The following CEP170 variants were observed in gnomAD, a reference collection of about 807,000 sequenced individuals.
The protein encoded by CEP170 is centrosomal protein 170, also known as centrosomal protein of 170 kDa.
A neutral mutation model predicts 151.9 loss-of-function variants in CEP170; 21 were observed. That is an observed-to-expected ratio of 0.14 (90% CI 0.10 to 0.20). The LOEUF is 0.20. Among genes scored for constraint, CEP170 ranks in the 10% least tolerant of loss-of-function variants. The pLI is 1.00. For missense variants in CEP170, 964 were observed against 1,892.9 expected (o/e 0.51, Z 9.11); for synonymous variants, 356 against 648.8 (o/e 0.55, Z 6.86).
At chr1:243,192,391 T>C (rs1367428424) in intron 7 of CEP170, among the ~76,000 whole-genome samples, 1 of 152,094 alleles carries the variant, frequency 6.6e-6, no homozygotes, top group Non-Finnish European at 1.5e-5. Flanking sequence ...GATGCATTTA[T>C]GAATAAAATA....
At position 243,156,301 on chromosome 1, in the gene CEP170, A is replaced by G. The variant is rs772764263; in HGVS notation, c.3831T>C (p.Thr1277=). Residue 1277 remains threonine, a synonymous_variant, in exon 14 of 20, where the codon ACT becomes ACC. Transcript: ENST00000366542. ...RLQSAGSAMP[T]SSSFKHRIKE... is the part of the protein sequence containing the mutation. The stretch of plus-strand genomic sequence containing the variant: ...TAATCCGGTGTTTGAATGAAGAACT[A>G]GTAGGCATTGCTGATCCAGCGCTCT... 2 of 1,592,738 alleles carry G rather than the reference A, an allele frequency of 1.3e-6. No homozygotes were observed. Among genetic ancestry groups the G allele is most frequent in the Non-Finnish European group, 1.7e-6 (2 of 1,169,790 alleles).
At chr1:243,134,541 A>G (rs925983981) in intron 17 of CEP170, among the ~76,000 whole-genome samples, 1 of 152,172 alleles carries the variant, frequency 6.6e-6, no homozygotes, top group African/African-American at 2.4e-5. Flanking sequence ...TCTGTTGCCC[A>G]GGCTGTGGTG....
chr1:243,151,586 G>A (rs1459594809), intron 14 of CEP170, among the ~76,000 whole-genome samples: 1 of 152,268 alleles, frequency 6.6e-6, no homozygotes, highest in African/African-American at 2.4e-5. Flanking sequence ...CAGAGGTGAG[G>A]AAACTGCAGA....
At chr1:243,153,238 A>C (rs559827230) in intron 14 of CEP170, among the ~76,000 whole-genome samples, 7 of 152,358 alleles carry the variant, frequency 4.6e-5, no homozygotes, top group African/African-American at 1.7e-4. Context: ...GGGAAAAGAA[A>C]GTGGTATCTT....
At chr1:243,150,158 C>A (rs183952683) in intron 14 of CEP170, among the ~76,000 whole-genome samples, 248 of 152,094 alleles carry the variant, frequency 1.6e-3, no homozygotes, top group Non-Finnish European at 2.1e-3. Flanking sequence ...TTCCGTGATA[C>A]ATCTATTTTT....
chr1:243,184,403 C>A (rs1232813599), intron 10 of CEP170, among the ~76,000 whole-genome samples: 1 of 151,712 alleles, frequency 6.6e-6, no homozygotes, highest in Non-Finnish European at 1.5e-5. Context: ...GCAAAATAAT[C>A]TTTTAATGGG....
At chr1:243,205,376 T>C (rs1027860861) in intron 4 of CEP170, among the ~76,000 whole-genome samples, 25 of 152,208 alleles carry the variant, frequency 1.6e-4, no homozygotes, top group South Asian at 4.1e-4. Context: ...AAGGGCCAGA[T>C]AGTAAATCTT....
chr1:243,128,199 A>G (rs750379568), intron 19 of CEP170, 50 bp downstream of exon 19: 1 of 1,469,934 alleles, frequency 6.8e-7, no homozygotes, highest in African/African-American at 1.5e-5. Flanking sequence ...CTCAGAAGGC[A>G]CTTATTCTAA....
chr1:243,222,510 A>C (rs2062906593), intron 2 of CEP170, among the ~76,000 whole-genome samples: 1 of 152,232 alleles, frequency 6.6e-6, no homozygotes, highest in African/African-American at 2.4e-5. Flanking sequence ...AAGCCTGTGG[A>C]AATTGGTATT....
intron 1 of CEP170, among the ~76,000 whole-genome samples, chr1:243,227,288 T>C (rs1349132917): frequency 6.6e-6 from 1 of 152,144 alleles, no homozygotes; most frequent in Non-Finnish European, 1.5e-5. Context: ...ATCCTGTCAC[T>C]TAAATTCCTT....
chr1:243,224,425 A>G (rs2063065332), intron 2 of CEP170, among the ~76,000 whole-genome samples: 2 of 152,154 alleles, frequency 1.3e-5, no homozygotes, highest in East Asian at 3.8e-4. Context: ...GTCACACATA[A>G]AATACACTAA....
At chr1:243,167,985 G>A (rs2058561323) in intron 12 of CEP170, among the ~76,000 whole-genome samples, 1 of 151,962 alleles carries the variant, frequency 6.6e-6, no homozygotes, top group Non-Finnish European at 1.5e-5. Context: ...ACATAGAAAT[G>A]AGATCATGAA....
intron 1 of CEP170, among the ~76,000 whole-genome samples, chr1:243,254,781 A>G (rs1165215912): frequency 1.9e-5 from 2 of 106,526 alleles, no homozygotes; most frequent in Non-Finnish European, 3.6e-5. Flanking sequence ...GCAGGACTGG[A>G]GCTCCGGGGG....
rs577243822 is a variant in CEP170 at position 243,226,150 on chromosome 1, CAT to C, written c.-41-831_-41-830del. 2.3e-4 allele frequency among the ~76,000 whole-genome samples: 27 copies of C among 114,904 alleles called. No homozygotes were observed. In the East Asian group the frequency reaches 5.4e-3, roughly 23 times the overall value. 75.4% of individuals were successfully genotyped at this position (114,904 alleles called of 152,430 possible). On this transcript the variant is annotated intron_variant, in intron 1 of 19. Transcript: ENST00000366542. ...GTGTATATATGTGTATATATATGTA[CAT>C]GTCTATCTCTCTATAGATATATATA...
intron 7 of CEP170, among the ~76,000 whole-genome samples, chr1:243,195,623 T>C (rs12049443): frequency 0.38 from 58,180 of 151,642 alleles, 12,884 homozygotes; most frequent in Admixed American, 0.5. Flanking sequence ...TCACTAAGAG[T>C]ATGCTACAGG....
At chr1:243,149,157 T>A (rs1056190223) in intron 14 of CEP170, among the ~76,000 whole-genome samples, 3 of 135,636 alleles carry the variant, frequency 2.2e-5, no homozygotes, top group African/African-American at 7.7e-5. Flanking sequence ...TTTGGTAAAA[T>A]GTAGAAAGAT....
chr1:243,219,744 G>C (rs1372137906), intron 3 of CEP170, among the ~76,000 whole-genome samples: 1 of 152,178 alleles, frequency 6.6e-6, no homozygotes, highest in East Asian at 1.9e-4. Context: ...ACATATAGAA[G>C]TTAAAATTTT....
chr1:243,212,714 G>T (rs2061928547), intron 3 of CEP170, among the ~76,000 whole-genome samples: 1 of 151,678 alleles, frequency 6.6e-6, no homozygotes, highest in Non-Finnish European at 1.5e-5. Context: ...TTCTTTCAGG[G>T]TCGCGGTGGT....
chr1:243,190,598 T>C (rs1004335613), intron 8 of CEP170, among the ~76,000 whole-genome samples: 1 of 152,196 alleles, frequency 6.6e-6, no homozygotes, highest in African/African-American at 2.4e-5. Flanking sequence ...AGTAGAACTT[T>C]TGGCTCAGAC....
Sources: allele counts gnomAD v4.1 joint callset (sites outside exome capture counted in the v4.1 genomes callset), GRCh38; gene constraint gnomAD v4.1.1; transcripts MANE v1.5; gene names NCBI Gene and HGNC (gene_info 2026-07-23, HGNC 2026-07-21).